Variants in TBC1D10C observed in about 807,000 individuals in gnomAD.
TBC1D10C encodes the protein carabin.
Under a neutral mutation model 51.0 loss-of-function variants are expected in TBC1D10C, and 49 were observed. The observed-to-expected ratio is 0.96, with a 90% CI of 0.76 to 1.22. The LOEUF is 1.22. Among genes scored for constraint, TBC1D10C ranks in the 50% most tolerant of loss-of-function variants. The pLI, the probability that TBC1D10C is intolerant of heterozygous loss-of-function variation, is 0.00. For missense variants in TBC1D10C, 541 were observed against 617.5 expected (o/e 0.88, Z 1.31); for synonymous variants, 281 against 266.7 (o/e 1.05, Z -0.52).
intron 4 of TBC1D10C, 35 bp downstream of exon 4, chr11:67,405,736 CCA>C: frequency 6.2e-7 from 1 of 1,609,696 alleles, no homozygotes; most frequent in Non-Finnish European, 8.5e-7. Context: ...ACCCCCAGCC[CCA>C]CAAGCCCCAG....
chr11:67,404,766 G>T (rs1250813002), intron 1 of TBC1D10C, among the ~76,000 whole-genome samples: 1 of 152,108 alleles, frequency 6.6e-6, no homozygotes, highest in African/African-American at 2.4e-5. Context: ...AGGACTCTGG[G>T]CTTCCAGTCC....
At chr11:67,405,779 C>A (rs1311523415) in intron 4 of TBC1D10C, 78 bp downstream of exon 4, 25 of 1,576,846 alleles carry the variant, frequency 1.6e-5, no homozygotes, top group Non-Finnish European at 2.2e-5. Flanking sequence ...TAGCCCAGCT[C>A]TACAGTCTTG....
In TBC1D10C at chr11:67,404,134, G is replaced by A; in HGVS notation, c.-69G>A. On this transcript the variant is annotated 5_prime_UTR_variant, in exon 1 of 9. Coordinates refer to ENST00000542590, the MANE Select transcript of TBC1D10C (RefSeq NM_001369496.1). ...GACCCCGCAGCCAGGCCCCAGGCTG[G>A]CCGGGAGTGGCCCCTCACACTGGTT... is the stretch of plus-strand genomic sequence containing the variant. 7.2e-7 allele frequency: 1 copy of A among 1,397,826 alleles called. No individual in the cohort carries two copies. Among genetic ancestry groups the A allele is most frequent in the Non-Finnish European group, 9.3e-7 (1 of 1,074,366 alleles). 86.6% of individuals were successfully genotyped at this position (1,397,826 alleles called of 1,614,324 possible).
At chr11:67,404,014 G>A (rs146556332), upstream of TBC1D10C, 28,521 of 624,490 alleles carry the variant, frequency 0.046, 768 homozygotes, top group Middle Eastern at 0.056. Flanking sequence ...CCGGACAGAG[G>A]CCTGGCTTTT....
chr11:67,404,213 C>T lies in TBC1D10C; in HGVS notation c.11C>T (p.Ala4Val). The change falls in exon 1 of 9, where the codon GCC (alanine) becomes GTC (valine). Residue 4 changes from alanine (A) to valine (V), a missense_variant. Physicochemically the swap from Ala to Val is moderately conservative, Grantham distance 64. Transcript: ENST00000542590. The stretch of plus-strand genomic sequence containing the variant: ...AAGGCCCCGGGCACCATGGCCCAGG[C>T]CCTGGGGGAGGACCTGGTGCAGCCT... MAQ[A>V]LGEDLVQPPE... 2 of 1,560,938 alleles carry T rather than the reference C, an allele frequency of 1.3e-6. No individual in the cohort carries two copies. Among genetic ancestry groups the T allele is most frequent in the Non-Finnish European group, 1.7e-6 (2 of 1,149,198 alleles).
Position 67,405,897 on chromosome 11 carries a change from G to T in TBC1D10C, c.468-6G>T, listed in dbSNP as rs1172473345. 13 of 1,583,916 alleles carry T rather than the reference G, an allele frequency of 8.2e-6. No homozygotes were observed. Among genetic ancestry groups the T allele is most frequent in the Non-Finnish European group, 1.0e-5 (12 of 1,165,910 alleles). The stretch of plus-strand genomic sequence containing the variant: ...GACTGGCCCCTTATGGGGTCTTCCG[G>T]CACAGGCAGCAGGGGCTCCTGCAGG... On this transcript the variant is annotated splice_region_variant and splice_polypyrimidine_tract_variant and intron_variant, in intron 4 of 8. Coordinates refer to ENST00000542590, the MANE Select transcript of TBC1D10C (RefSeq NM_001369496.1).
chr11:67,409,491 C>T lies in TBC1D10C; in HGVS notation c.1078C>T (p.Pro360Ser), dbSNP rs955247909. The T allele has an allele frequency of 1.3e-6, 2 of 1,548,344 alleles. No homozygotes were observed. The highest frequency in any genetic ancestry group is 2.7e-5 in the African/African-American group (2 of 73,004). Reference protein sequence around the residue: ...LAQLPDSAPGPPPRPQVRLAG... With the variant: ...LAQLPDSAPGSPPRPQVRLAG... ...CCAGCTGCCCGATTCCGCGCCGGGA[C>T]CCCCGCCCCGGCCACAGGTCCGCCT... The change falls in exon 9 of 9, where the codon CCC (proline) becomes TCC (serine). Residue 360 changes from proline to serine, a missense_variant. By Grantham distance (74) the Pro-to-Ser change is moderately conservative. Transcript: ENST00000542590.
chr11:67,406,136 C>G, intron 5 of TBC1D10C, 119 bp downstream of exon 5: 1 of 840,658 alleles, frequency 1.2e-6, no homozygotes, highest in East Asian at 2.8e-5. Context: ...GTCCTAGTGA[C>G]CCAGGTCCTC....
At chr11:67,408,879 G>C in intron 7 of TBC1D10C, 100 bp from the exon 8 acceptor site, 1 of 1,409,602 alleles carries the variant, frequency 7.1e-7, no homozygotes, top group Non-Finnish European at 9.4e-7. Context: ...GGAGGGCAGA[G>C]CTGCAGGAGA....
At chr11:67,404,582 G>A (rs1863064918) in intron 1 of TBC1D10C, among the ~76,000 whole-genome samples, 1 of 152,180 alleles carries the variant, frequency 6.6e-6, no homozygotes. Flanking sequence ...CCACTACTGG[G>A]GCAGAACATC....
chr11:67,407,347 G>T, intron 7 of TBC1D10C: 1 of 281,114 alleles, frequency 3.6e-6, no homozygotes. Flanking sequence ...TCCAGACGTG[G>T]ATCTGCAGCT....
intron 5 of TBC1D10C, chr11:67,406,248 G>A (rs964735694): frequency 5.7e-6 from 3 of 526,956 alleles, no homozygotes; most frequent in Non-Finnish European, 1.0e-5. Context: ...GAATCTGGAT[G>A]TTATCACCTT....
Position 67,404,257 on chromosome 11 carries a change from TC to T in TBC1D10C, c.57del (p.Ser20AlafsTer46). The T allele has an allele frequency of 1.2e-6, 2 of 1,602,156 alleles. No homozygotes were observed. The highest frequency in any genetic ancestry group is 1.7e-4 in the Middle Eastern group (1 of 6,006). ...LVQPPELQDD[S>X]SSLGSDSELS... ...GCAGCCTCCCGAGCTGCAGGATGAC[TC>T]CAGCTCCTTGGGGTCCGACTCAGAG... On this transcript the variant is annotated frameshift_variant, in exon 1 of 9. Coordinates refer to ENST00000542590, the MANE Select transcript of TBC1D10C (RefSeq NM_001369496.1). LOFTEE classifies it high-confidence loss of function.
intron 5 of TBC1D10C, chr11:67,406,263 C>T: frequency 1.9e-6 from 1 of 519,136 alleles, no homozygotes; most frequent in Non-Finnish European, 3.4e-6. Context: ...CACCTTGACC[C>T]CACGACTCCT....
intron 7 of TBC1D10C, 51 bp downstream of exon 7, chr11:67,407,067 G>A (rs1307694895): frequency 1.9e-6 from 3 of 1,554,314 alleles, no homozygotes; most frequent in Non-Finnish European, 2.6e-6. Context: ...TGTGGGTGGG[G>A]AGGTAGCTCA....
chr11:67,404,547 AC>A (rs1197624288), intron 1 of TBC1D10C, among the ~76,000 whole-genome samples, 193 bp downstream of exon 1: 3 of 151,808 alleles, frequency 2.0e-5, no homozygotes, highest in Middle Eastern at 3.2e-3. Context: ...TACGTCTCTT[AC>A]CCCCAGCCTC....
At position 67,410,012 on chromosome 11, in the gene TBC1D10C, C is replaced by A. The variant is rs1296469290; in HGVS notation, c.*258C>A. 1.1e-5 allele frequency: 5 copies of A among 458,234 alleles called. No individual in the cohort carries two copies. The highest frequency in any genetic ancestry group is 1.0e-4 in the African/African-American group (5 of 48,272). 28.4% of individuals were successfully genotyped at this position (458,234 alleles called of 1,614,324 possible). A position where few individuals can be genotyped will look rare whatever the true frequency, so the allele number is the denominator to read the frequency against. On this transcript the variant is annotated 3_prime_UTR_variant, in exon 9 of 9. Transcript: ENST00000542590. Reference sequence around the variant, plus strand: ...AGGCCCTCACAAGTACCAAAGCCAGCACCAAAGGAGTCAGGGAAGGGGTTG... The same window carrying A: ...AGGCCCTCACAAGTACCAAAGCCAGAACCAAAGGAGTCAGGGAAGGGGTTG...
In TBC1D10C at chr11:67,404,318, G is replaced by A. The variant is rs769737361; in HGVS notation, c.116G>A (p.Arg39His). ...SGPGPYRQAD[R>H]YGFIGGSSAE... is the part of the protein sequence containing the mutation. ...CCTGGCCCATATCGCCAGGCCGACC[G>A]CTATGGATTCATTGGGGGCAGCTCA... Residue 39 changes from arginine (R) to histidine (H), a missense_variant, in exon 1 of 9, where the codon CGC becomes CAC. Arg to His is a conservative substitution (Grantham distance 29, BLOSUM62 0). Transcript: ENST00000542590. The A allele has an allele frequency of 6.3e-6, 10 of 1,596,924 alleles. No individual in the cohort carries two copies. Among genetic ancestry groups the A allele is most frequent in the Admixed American group, 3.4e-5 (2 of 59,092 alleles).
Position 67,409,401 on chromosome 11 carries a change from CCA to C in TBC1D10C, c.994-3_994-2del. On this transcript the variant is annotated splice_polypyrimidine_tract_variant and splice_region_variant and intron_variant, in intron 8 of 8. Transcript: ENST00000542590. Reference sequence around the variant, plus strand: ...GGGCAAACGCAGCACCAACTGCTCCCCACAGGTGCACAGCGTGGTGCTGTCAG... The same window carrying C: ...GGGCAAACGCAGCACCAACTGCTCCCCAGGTGCACAGCGTGGTGCTGTCAG... 2.6e-6 allele frequency: 4 copies of C among 1,547,740 alleles called. No homozygotes were observed. Among genetic ancestry groups the C allele is most frequent in the Non-Finnish European group, 3.5e-6 (4 of 1,145,936 alleles).
Sources: allele counts gnomAD v4.1 joint callset (sites outside exome capture counted in the v4.1 genomes callset), GRCh38; gene constraint gnomAD v4.1.1; transcripts MANE v1.5; gene names NCBI Gene and HGNC (gene_info 2026-07-23, HGNC 2026-07-21).